Variants in ALPK1 observed in about 807,000 individuals in gnomAD.
The protein encoded by ALPK1 is alpha-protein kinase 1.
Under a neutral mutation model 120.6 loss-of-function variants are expected in ALPK1, and 110 were observed. That is an observed-to-expected ratio of 0.91 (90% CI 0.78 to 1.07). The LOEUF is 1.07. ALPK1 is among the 50% of genes least tolerant of loss of function. The pLI is 0.00. For missense variants in ALPK1, 1,498 were observed against 1,483.9 expected (o/e 1.01, Z -0.16); for synonymous variants, 582 against 560.3 (o/e 1.04, Z -0.55).
At chr4:112,367,774 A>G (rs776111644) in intron 2 of ALPK1, among the ~76,000 whole-genome samples, 2 of 152,182 alleles carry the variant, frequency 1.3e-5, no homozygotes, top group African/African-American at 2.4e-5. Flanking sequence ...GACCTTTTCT[A>G]CAAATTATTT....
At chr4:112,339,133 T>C (rs2351453) in intron 2 of ALPK1, among the ~76,000 whole-genome samples, 103,922 of 152,108 alleles carry the variant, frequency 0.68, 35,846 homozygotes, top group East Asian at 0.89. Context: ...GTAAAGAAGA[T>C]GGACCAAATA....
Position 112,432,246 on chromosome 4 carries a change from T to C in ALPK1, c.2699T>C (p.Val900Ala), listed in dbSNP as rs1252100488. The C allele has an allele frequency of 2.5e-6, 4 of 1,614,034 alleles. No homozygotes were observed. In the African/African-American group the frequency reaches 5.3e-5, roughly 22 times the overall value. ...SSVSGNILFP[V>A]LSEDCTTTEE... Reference sequence around the variant, plus strand: ...GTAAGCGGTAACATCCTCTTCCCTGTCCTCAGCGAGGACTGCACTACCACA... The same window carrying C: ...GTAAGCGGTAACATCCTCTTCCCTGCCCTCAGCGAGGACTGCACTACCACA... Residue 900 changes from valine to alanine, a missense_variant, in exon 11 of 16, where the codon GTC becomes GCC. Physicochemically the swap from Val to Ala is moderately conservative, Grantham distance 64. Coordinates refer to ENST00000650871, the MANE Select transcript of ALPK1 (RefSeq NM_025144.4).
intron 4 of ALPK1, among the ~76,000 whole-genome samples, chr4:112,385,732 C>A (rs555467141): frequency 6.6e-6 from 1 of 152,232 alleles, no homozygotes; most frequent in African/African-American, 2.4e-5. Flanking sequence ...GTATCCCAAT[C>A]TGGTCGATTT....
chr4:112,299,103 A>G (rs1727674295), intron 1 of ALPK1, among the ~76,000 whole-genome samples: 1 of 151,854 alleles, frequency 6.6e-6, no homozygotes, highest in Non-Finnish European at 1.5e-5. Flanking sequence ...TTTGTATTGT[A>G]TTTGTTGCCT....
intron 2 of ALPK1, among the ~76,000 whole-genome samples, chr4:112,325,972 C>T (rs544043105): frequency 2.0e-5 from 3 of 152,252 alleles, no homozygotes; most frequent in Non-Finnish European, 2.9e-5. Flanking sequence ...TACTCAAAGC[C>T]TCCCCTCACA....
chr4:112,333,959 T>C (rs921756431), intron 2 of ALPK1, among the ~76,000 whole-genome samples: 3 of 152,046 alleles, frequency 2.0e-5, no homozygotes, highest in African/African-American at 7.2e-5. Flanking sequence ...ACAGCATAAA[T>C]AGGCTTTATT....
Position 112,391,371 on chromosome 4 carries a change from C to T in ALPK1, c.276+8819C>T, listed in dbSNP as rs1578528489. 3.9e-5 allele frequency among the ~76,000 whole-genome samples: 6 copies of T among 152,262 alleles called. No homozygotes were observed. The South Asian group carries it at 1.2e-3, about 32-fold the overall frequency. ...CCATAAAAAGTATGGACAACAATTG[C>T]CAAAACAATTTTGTCATTAAAGGCA... is the stretch of plus-strand genomic sequence containing the variant. On this transcript the variant is annotated intron_variant, in intron 4 of 15. Transcript: ENST00000650871.
chr4:112,405,109 G>A (rs777072734), intron 4 of ALPK1, among the ~76,000 whole-genome samples: 12 of 152,178 alleles, frequency 7.9e-5, no homozygotes, highest in Non-Finnish European at 1.3e-4. Flanking sequence ...GGGACCCTCT[G>A]CAGATCTCTG....
intron 1 of ALPK1, among the ~76,000 whole-genome samples, chr4:112,314,298 C>T (rs554943409): frequency 9.9e-5 from 15 of 152,240 alleles, no homozygotes; most frequent in South Asian, 6.2e-4. Context: ...AGAAGGTAAA[C>T]GGATCATAAA....
chr4:112,422,828 C>G (rs1734060006), intron 5 of ALPK1, among the ~76,000 whole-genome samples: 1 of 152,198 alleles, frequency 6.6e-6, no homozygotes, highest in South Asian at 2.1e-4. Flanking sequence ...CCTCAGCTGT[C>G]CTCTGCATGG....
At chr4:112,416,778 C>T (rs773597453) in intron 5 of ALPK1, among the ~76,000 whole-genome samples, 18 of 149,804 alleles carry the variant, frequency 1.2e-4, no homozygotes, top group Admixed American at 2.0e-4. Flanking sequence ...CCAGAGGCTA[C>T]GGTGGGAGGA....
chr4:112,358,786 T>C lies in ALPK1; in HGVS notation c.-100-18892T>C, dbSNP rs1017267331. 18 of 826,656 alleles carry C rather than the reference T, an allele frequency of 2.2e-5. 1 individual carries two copies. Among genetic ancestry groups the C allele is most frequent in the Non-Finnish European group, 3.7e-5 (17 of 460,970 alleles). The allele number at this position is 826,656 out of a possible 1,614,324, so 51.2% of individuals were successfully genotyped here. A position where few individuals can be genotyped will look rare whatever the true frequency, so the allele number is the denominator to read the frequency against. ...CAGATGAACACGGCCAAGCTCTTCA[T>C]GGTGGCCATGAAGTAGGAGCTGAGC... On this transcript the variant is annotated intron_variant, in intron 2 of 15. Coordinates refer to ENST00000650871, the MANE Select transcript of ALPK1 (RefSeq NM_025144.4).
At chr4:112,334,060 C>T (rs181830333) in intron 2 of ALPK1, among the ~76,000 whole-genome samples, 7 of 151,952 alleles carry the variant, frequency 4.6e-5, no homozygotes, top group South Asian at 2.1e-4. Context: ...TACTGTGTAA[C>T]GAACACCCTC....
intron 2 of ALPK1, chr4:112,358,711 G>A (rs1730765843): frequency 3.9e-6 from 3 of 768,188 alleles, no homozygotes; most frequent in African/African-American, 1.7e-5. Context: ...CAAGGAAGGA[G>A]GAAGAAGATC....
intron 2 of ALPK1, among the ~76,000 whole-genome samples, chr4:112,346,383 G>A (rs1165069432): frequency 2.0e-5 from 3 of 152,196 alleles, no homozygotes; most frequent in Non-Finnish European, 4.4e-5. Flanking sequence ...GACATTCATT[G>A]TGGATTTATA....
chr4:112,435,106 C>T, intron 11 of ALPK1, 42 bp from the exon 12 acceptor site: 1 of 1,581,942 alleles, frequency 6.3e-7, no homozygotes, highest in Non-Finnish European at 8.6e-7. Context: ...ATTGTAACGT[C>T]CTTTTGAAAA....
intron 2 of ALPK1, among the ~76,000 whole-genome samples, chr4:112,374,796 A>G (rs1413288703): frequency 1.3e-5 from 2 of 152,228 alleles, no homozygotes; most frequent in East Asian, 3.8e-4. Flanking sequence ...ATGAGCAGTA[A>G]TATTTTGAAG....
chr4:112,338,344 T>C (rs771941868), intron 2 of ALPK1, among the ~76,000 whole-genome samples: 7 of 152,238 alleles, frequency 4.6e-5, no homozygotes, highest in Non-Finnish European at 1.0e-4. Context: ...ATATCTTGAA[T>C]AATTGTAAAT....
At chr4:112,388,480 C>T (rs1009055933) in intron 4 of ALPK1, among the ~76,000 whole-genome samples, 7 of 152,160 alleles carry the variant, frequency 4.6e-5, no homozygotes, top group African/African-American at 1.7e-4. Context: ...AATTTTAAAA[C>T]ATTTATTCCA....
Sources: gnomAD v4.1 joint callset for allele counts (sites outside exome capture counted in the v4.1 genomes callset) on GRCh38, gnomAD v4.1.1 for gene constraint, MANE v1.5 for transcripts, NCBI Gene and HGNC (gene_info 2026-07-23, HGNC 2026-07-21) for gene names.